Variants in C8B observed in about 807,000 individuals in gnomAD.
C8B encodes the protein complement component C8 beta chain.
Under a neutral mutation model 64.6 loss-of-function variants are expected in C8B, and 67 were observed. The ratio of observed to expected loss-of-function variants is 1.04; its 90% CI spans 0.85 to 1.27. The LOEUF is 1.27. Among genes scored for constraint, C8B ranks in the 50% most tolerant of loss-of-function variants. C8B has a pLI of 0.00. For synonymous variants in C8B, 284 were observed against 257.7 expected (o/e 1.10, Z -0.98); for missense variants, 790 against 725.2 (o/e 1.09, Z -1.03).
chr1:56,945,377 G>A (rs1001785072), intron 7 of C8B, among the ~76,000 whole-genome samples: 4 of 152,170 alleles, frequency 2.6e-5, no homozygotes, highest in Non-Finnish European at 5.9e-5. Flanking sequence ...TTCGTTGGTG[G>A]AACCGTTTCT....
At position 56,951,345 on chromosome 1, in the gene C8B, G is replaced by A. The variant is rs538556033; in HGVS notation, c.666+703C>T. Among the ~76,000 whole-genome samples, 13 of 152,256 alleles carry A rather than the reference G, an allele frequency of 8.5e-5. No homozygotes were observed. The East Asian group carries it at 2.5e-3, about 29-fold the overall frequency. On this transcript the variant is annotated intron_variant, in intron 5 of 11. Coordinates refer to ENST00000371237, the MANE Select transcript of C8B (RefSeq NM_000066.4). ...AAAACTGAGGCCCAGAGTGGAAAAG[G>A]AACTTAACCTAAGGTAAAATTGGGA...
intron 9 of C8B, among the ~76,000 whole-genome samples, chr1:56,935,433 TAC>T (rs1644762712): frequency 6.6e-6 from 1 of 152,124 alleles, no homozygotes. Context: ...CTCCCCCAAA[TAC>T]ACAGTTCTAA....
intron 2 of C8B, among the ~76,000 whole-genome samples, chr1:56,958,162 G>A (rs1417456724): frequency 6.6e-6 from 1 of 152,148 alleles, no homozygotes; most frequent in African/African-American, 2.4e-5. Context: ...CAGGCCTTAG[G>A]AAAGTGATTA....
intron 4 of C8B, among the ~76,000 whole-genome samples, chr1:56,953,198 T>C (rs968798264): frequency 6.6e-6 from 1 of 152,180 alleles, no homozygotes; most frequent in Admixed American, 6.5e-5. Flanking sequence ...TGACCATCTC[T>C]AACTACTGAA....
In C8B at chr1:56,965,912, C is replaced by T. The variant is rs1557442750; in HGVS notation, c.37G>A (p.Val13Met). Residue 13 changes from valine (V) to methionine (M), a missense_variant, in exon 1 of 12, where the codon GTG (valine) becomes ATG (methionine). Transcript: ENST00000371237. The stretch of plus-strand genomic sequence containing the variant: ...GCAGCACAGAGAAGAAATAGCTCCA[C>T]CGGCGCCCTCCAAGCCCATGTCCTG... ...NSRTWAWRAPVELFLLCAALG... is the reference protein window; with the variant it reads ...NSRTWAWRAPMELFLLCAALG... The T allele has an allele frequency of 1.9e-6, 3 of 1,614,052 alleles. No homozygotes were observed. Among genetic ancestry groups the T allele is most frequent in the Admixed American group, 1.7e-5 (1 of 60,026 alleles).
intron 1 of C8B, among the ~76,000 whole-genome samples, chr1:56,960,559 C>G (rs1222128398): frequency 6.6e-6 from 1 of 152,214 alleles, no homozygotes; most frequent in Non-Finnish European, 1.5e-5. Context: ...ATGGCTGGAG[C>G]TGTGCAGGCC....
chr1:56,933,220 C>T, intron 10 of C8B, 115 bp downstream of exon 10: 1 of 886,722 alleles, frequency 1.1e-6, no homozygotes, highest in East Asian at 2.4e-5. Flanking sequence ...AGAGTAGTAT[C>T]TCCCAGTGGA....
At position 56,929,457 on chromosome 1, in the gene C8B, T is replaced by G. The variant is rs190080984; in HGVS notation, c.1723A>C (p.Asn575His). Residue 575 changes from asparagine to histidine, a missense_variant, in exon 12 of 12, where the codon AAT becomes CAT. Physicochemically the swap from Asn to His is moderately conservative, Grantham distance 68. Coordinates refer to ENST00000371237, the MANE Select transcript of C8B (RefSeq NM_000066.4). ...GGGCCTGAACAGGGGCTACCCCCAT[T>G]TTGAGGAGGTGGATTGTTACACTGC... The part of the protein sequence containing the change: ...QRQCNNPPPQ[N>H]GGSPCSGPAS... 1 of 1,612,862 alleles carries G rather than the reference T, an allele frequency of 6.2e-7. No homozygotes were observed. The highest frequency in any genetic ancestry group is 1.3e-5 in the African/African-American group (1 of 74,884).
chr1:56,952,060 G>T lies in C8B; in HGVS notation c.654C>A (p.Ser218Arg). ...GGCTGTCTCTTACCTGTGGCGTGTA[G>T]CTTTCCACATTGTAGGGCTTCCTAA... The part of the protein sequence containing the change: ...TRFRKPYNVE[S>R]YTPQTQGKYE... Residue 218 changes from serine (S) to arginine (R), a missense_variant, in exon 5 of 12, where the codon AGC becomes AGA. Transcript: ENST00000371237. 1.9e-6 allele frequency: 3 copies of T among 1,614,118 alleles called. No individual in the cohort carries two copies. The highest frequency in any genetic ancestry group is 1.7e-6 in the Non-Finnish European group (2 of 1,180,018).
At chr1:56,965,398 A>AGAGTGTGTGT (rs1553120321) in intron 1 of C8B, among the ~76,000 whole-genome samples, 3,585 of 142,578 alleles carry the variant, frequency 0.025, 172 homozygotes, top group African/African-American at 0.088. Context: ...AGAGAGAGAG[A>AGAGTGTGTGT]GTGTGTGTGT....
Position 56,945,833 on chromosome 1 carries a change from T to C in C8B, c.1093A>G (p.Met365Val), listed in dbSNP as rs1644931988. ...TTGGGCAGTATACCTCCTCTCTCCATGGCCTCTTTGTTCATAACGAGGGTG... is the reference window on the plus strand; with the variant it reads ...TTGGGCAGTATACCTCCTCTCTCCACGGCCTCTTTGTTCATAACGAGGGTG... The part of the protein sequence containing the change: ...EYTLVMNKEA[M>V]ERGDYTLNNV... The change falls in exon 7 of 12, where the codon ATG (methionine) becomes GTG (valine). Residue 365 changes from methionine to valine, a missense_variant. By Grantham distance (21) the Met-to-Val change is conservative (BLOSUM62 1). Transcript: ENST00000371237. 4 of 1,614,032 alleles carry C rather than the reference T, an allele frequency of 2.5e-6. No individual in the cohort carries two copies. Among genetic ancestry groups the C allele is most frequent in the Non-Finnish European group, 3.4e-6 (4 of 1,180,018 alleles).
At chr1:56,964,806 A>G (rs549904458) in intron 1 of C8B, among the ~76,000 whole-genome samples, 2 of 152,300 alleles carry the variant, frequency 1.3e-5, no homozygotes, top group South Asian at 2.1e-4. Flanking sequence ...TAGGGTTGCT[A>G]TGGTTCCCTT....
rs190417044 is a variant in C8B at position 56,959,365 on chromosome 1, G to A, written c.249+655C>T. 6.0e-4 allele frequency among the ~76,000 whole-genome samples: 91 copies of A among 152,358 alleles called. No individual in the cohort carries two copies. The East Asian group carries it at 0.014, about 23-fold the overall frequency. ...TGATGTGATAAATGTGAGGATACAA[G>A]GGTAATAAGGAGCTATCGAAGCTCA... On this transcript the variant is annotated intron_variant, in intron 2 of 11. Coordinates refer to ENST00000371237, the MANE Select transcript of C8B (RefSeq NM_000066.4).
At chr1:56,931,036 C>T (rs2101348776) in intron 11 of C8B, among the ~76,000 whole-genome samples, 1 of 152,114 alleles carries the variant, frequency 6.6e-6, no homozygotes, top group Non-Finnish European at 1.5e-5. Flanking sequence ...AGTTTAAGCA[C>T]TCAGCAAAGT....
chr1:56,963,580 G>T (rs1645209129), intron 1 of C8B, among the ~76,000 whole-genome samples: 1 of 147,296 alleles, frequency 6.8e-6, no homozygotes, highest in African/African-American at 2.5e-5. Context: ...TGTGGAGGTT[G>T]GGGGGTGGTG....
In C8B at chr1:56,958,459, T is replaced by C. The variant is rs541863086; in HGVS notation, c.250-1549A>G. 6.6e-5 allele frequency among the ~76,000 whole-genome samples: 10 copies of C among 152,118 alleles called. No individual in the cohort carries two copies. The South Asian group carries it at 2.1e-3, about 32-fold the overall frequency. ...GTCATTCTTTCTAGAAGGCAGAGCC[T>C]GTCAGGACAGGGACAAGGCTTGCAG... is the stretch of plus-strand genomic sequence containing the variant. On this transcript the variant is annotated intron_variant, in intron 2 of 11. Coordinates refer to ENST00000371237, the MANE Select transcript of C8B (RefSeq NM_000066.4).
chr1:56,951,711 T>A (rs142127862), intron 5 of C8B, among the ~76,000 whole-genome samples: 1 of 152,136 alleles, frequency 6.6e-6, no homozygotes, highest in Non-Finnish European at 1.5e-5. Context: ...AATTTAAAGA[T>A]AGGAAAACAG....
chr1:56,940,777 C>T, intron 9 of C8B, 72 bp downstream of exon 9: 2 of 1,570,090 alleles, frequency 1.3e-6, no homozygotes, highest in Non-Finnish European at 1.8e-6. Flanking sequence ...CATTTTATAC[C>T]TTGGCTCATG....
rs1435569160 is a variant in C8B at position 56,933,329 on chromosome 1, TG to T, written c.1552+5del. On this transcript the variant is annotated splice_donor_5th_base_variant and intron_variant, in intron 10 of 11. Coordinates refer to ENST00000371237, the MANE Select transcript of C8B (RefSeq NM_000066.4). ...ACCAGGGACACCAGCTGCCTGAAAG[TG>T]GTACCTTTCAGGACAGGGACTCCAT... 1.2e-6 allele frequency: 2 copies of T among 1,610,720 alleles called. No individual in the cohort carries two copies. The highest frequency in any genetic ancestry group is 3.3e-5 in the Admixed American group (2 of 59,968).
Sources: allele counts gnomAD v4.1 joint callset (sites outside exome capture counted in the v4.1 genomes callset), GRCh38; gene constraint gnomAD v4.1.1; transcripts MANE v1.5; gene names NCBI Gene and HGNC (gene_info 2026-07-23, HGNC 2026-07-21).